CHMP2B: variants seen among roughly 807,000 people sequenced by gnomAD.
CHMP2B encodes the protein VPS2 homolog B.
Under a neutral mutation model 29.8 loss-of-function variants are expected in CHMP2B, and 22 were observed. The observed-to-expected ratio is 0.74, with a 90% confidence interval of 0.53 to 1.05. CHMP2B has a LOEUF of 1.05. Ranked by LOEUF, CHMP2B falls within the 50% of genes least tolerant of loss-of-function variation. The pLI, the probability that CHMP2B is intolerant of heterozygous loss-of-function variation, is 0.00. For synonymous variants in CHMP2B, 78 were observed against 75.8 expected (o/e 1.03, Z -0.15); for missense variants, 261 against 252.2 (o/e 1.03, Z -0.24).
intron 4 of CHMP2B, chr3:87,252,986 A>T (rs1262753931): frequency 5.9e-6 from 1 of 169,214 alleles, no homozygotes; most frequent in African/African-American, 2.4e-5. Context: ...GAGGTATAAA[A>T]ATATGATTAT....
intron 2 of CHMP2B, among the ~76,000 whole-genome samples, chr3:87,244,435 A>G (rs1313926619): frequency 6.6e-6 from 1 of 151,830 alleles, no homozygotes; most frequent in Non-Finnish European, 1.5e-5. Context: ...GTTGAAGCTT[A>G]TGAAGTATTC....
chr3:87,234,994 C>CGT (rs1553671552), intron 1 of CHMP2B, among the ~76,000 whole-genome samples: 2 of 152,030 alleles, frequency 1.3e-5, no homozygotes, highest in African/African-American at 2.4e-5. Flanking sequence ...ATTTTAAAGA[C>CGT]GTGTTAAATA....
intron 2 of CHMP2B, among the ~76,000 whole-genome samples, chr3:87,244,423 A>G (rs952745488): frequency 3.3e-5 from 5 of 151,220 alleles, no homozygotes; most frequent in African/African-American, 9.7e-5. Flanking sequence ...TTTCTATGTT[A>G]TGTTGAAGCT....
At chr3:87,232,211 T>C (rs190623433) in intron 1 of CHMP2B, among the ~76,000 whole-genome samples, 92 of 152,266 alleles carry the variant, frequency 6.0e-4, no homozygotes, top group African/African-American at 2.2e-3. Flanking sequence ...TGGGATGATA[T>C]TTGTATATGC....
At chr3:87,241,790 A>G (rs1706123368) in intron 2 of CHMP2B, among the ~76,000 whole-genome samples, 1 of 152,132 alleles carries the variant, frequency 6.6e-6, no homozygotes, top group South Asian at 2.1e-4. Context: ...TTTTGTGAAC[A>G]TGGTTTTCAT....
chr3:87,246,021 G>T, intron 3 of CHMP2B, 113 bp downstream of exon 3: 2 of 802,144 alleles, frequency 2.5e-6, no homozygotes, highest in South Asian at 1.7e-5. Context: ...TACAAAATGT[G>T]TGTAATTTTT....
intron 3 of CHMP2B, among the ~76,000 whole-genome samples, chr3:87,249,071 A>G (rs1196599595): frequency 6.6e-6 from 1 of 152,144 alleles, no homozygotes; most frequent in Non-Finnish European, 1.5e-5. Flanking sequence ...AACCTAGGTG[A>G]TACAGCCTAC....
intron 1 of CHMP2B, among the ~76,000 whole-genome samples, chr3:87,239,703 C>T (rs1706078198): frequency 6.6e-6 from 1 of 152,112 alleles, no homozygotes; most frequent in South Asian, 2.1e-4. Context: ...TTAAAAAATA[C>T]TTTAATTCTT....
chr3:87,231,786 C>T (rs1267420888), intron 1 of CHMP2B, among the ~76,000 whole-genome samples: 2 of 152,104 alleles, frequency 1.3e-5, no homozygotes. Context: ...TTTTTATCTT[C>T]CTCTAGCTAA....
intron 4 of CHMP2B, among the ~76,000 whole-genome samples, chr3:87,250,598 C>T (rs1706297875): frequency 6.6e-6 from 1 of 151,832 alleles, no homozygotes; most frequent in Non-Finnish European, 1.5e-5. Context: ...AATAGTATAA[C>T]ATAAGCAGAT....
intron 1 of CHMP2B, among the ~76,000 whole-genome samples, chr3:87,238,906 C>T (rs568742727): frequency 5.1e-4 from 78 of 152,290 alleles, no homozygotes; most frequent in African/African-American, 7.0e-4. Context: ...TACATTCCGA[C>T]GAGCAATATG....
At chr3:87,253,668 A>G in intron 5 of CHMP2B, 44 bp from the exon 6 acceptor site, 1 of 1,535,986 alleles carries the variant, frequency 6.5e-7, no homozygotes, top group Non-Finnish European at 9.0e-7. Flanking sequence ...TCCTAGTCCA[A>G]ATGTTTCCTA....
At chr3:87,228,897 G>C (rs1705859354) in intron 1 of CHMP2B, among the ~76,000 whole-genome samples, 1 of 150,652 alleles carries the variant, frequency 6.6e-6, no homozygotes, top group Non-Finnish European at 1.5e-5. Context: ...AGCTGCCACT[G>C]TTGTGAGCTT....
chr3:87,233,654 A>G (rs894517178), intron 1 of CHMP2B, among the ~76,000 whole-genome samples: 12 of 152,274 alleles, frequency 7.9e-5, no homozygotes, highest in Admixed American at 6.5e-4. Context: ...CACTGACACT[A>G]GCTGTTACAG....
Position 87,227,543 on chromosome 3 carries a change from G to A in CHMP2B, c.21G>A (p.Lys7=), listed in dbSNP as rs1364419230. Residue 7 remains lysine (K), a synonymous_variant, in exon 1 of 6, where the codon AAG becomes AAA. Transcript: ENST00000263780. MASLFK[K]KTVDDVIKEQ... Reference sequence around the variant, plus strand: ...TAACCATGGCGTCCCTCTTCAAGAAGAAAACCGTGGATGGTGAGTTCCAGG... The same window carrying A: ...TAACCATGGCGTCCCTCTTCAAGAAAAAAACCGTGGATGGTGAGTTCCAGG... The A allele has an allele frequency of 1.9e-6, 3 of 1,614,192 alleles. No individual in the cohort carries two copies. Among genetic ancestry groups the A allele is most frequent in the Non-Finnish European group, 2.5e-6 (3 of 1,180,034 alleles).
rs1706364284 is a variant in CHMP2B, at chr3:87,254,219, T to TA, written c.*397_*398insA. 1 of 194,014 alleles carries TA rather than the reference T, an allele frequency of 5.2e-6. No individual in the cohort carries two copies. Among genetic ancestry groups the TA allele is most frequent in the Non-Finnish European group, 1.1e-5 (1 of 93,010 alleles). The allele number at this position is 194,014 out of a possible 1,614,324, so 12.0% of individuals were successfully genotyped here. A position where few individuals can be genotyped will look rare whatever the true frequency, so the allele number is the denominator to read the frequency against. ...AAAATATTAAAAGTATATCGTTAAT[T>TA]CTGTATCTGTTGCTTGTCTTTTGTA... On this transcript the variant is annotated 3_prime_UTR_variant, in exon 6 of 6. Coordinates refer to ENST00000263780, the MANE Select transcript of CHMP2B (RefSeq NM_014043.4).
chr3:87,251,477 A>G (rs192173981), intron 4 of CHMP2B, among the ~76,000 whole-genome samples: 1 of 152,008 alleles, frequency 6.6e-6, no homozygotes, highest in East Asian at 1.9e-4. Flanking sequence ...TATAATACCT[A>G]CTGCAGTTGT....
At chr3:87,231,919 C>T (rs138051651) in intron 1 of CHMP2B, among the ~76,000 whole-genome samples, 297 of 152,226 alleles carry the variant, frequency 2.0e-3, no homozygotes, top group African/African-American at 7.0e-3. Flanking sequence ...CCTGCACTTT[C>T]AAAGTTGGAT....
intron 4 of CHMP2B, among the ~76,000 whole-genome samples, chr3:87,250,822 T>C (rs1323622575): frequency 3.3e-5 from 5 of 151,896 alleles, no homozygotes; most frequent in Non-Finnish European, 7.4e-5. Context: ...TATTAACTTT[T>C]ATAAGGCTGT....
Sources: gnomAD v4.1 joint callset for allele counts (sites outside exome capture counted in the v4.1 genomes callset) on GRCh38, gnomAD v4.1.1 for gene constraint, MANE v1.5 for transcripts, NCBI Gene and HGNC (gene_info 2026-07-23, HGNC 2026-07-21) for gene names.